Variants in MDGA2 observed in about 807,000 individuals in gnomAD.
MDGA2 encodes MAM domain containing glycosylphosphatidylinositol anchor 2.
MDGA2 carries 40 observed loss-of-function variants against 117.8 expected under a neutral mutation model. That is an observed-to-expected ratio of 0.34 (90% CI 0.26 to 0.44). The LOEUF is 0.44. Ranked by LOEUF, MDGA2 falls within the 20% of genes least tolerant of loss-of-function variation. The probability of loss-of-function intolerance (pLI) is 1.00; values close to 1 mark genes in which losing one functional copy is unlikely to be tolerated. For missense variants in MDGA2, 1,123 were observed against 1,250.6 expected, an observed-to-expected ratio of 0.90 and a Z score of 1.54; for synonymous variants, 452 against 439.0, an observed-to-expected ratio of 1.03 and a Z score of -0.37.
intron 7 of MDGA2, among the ~76,000 whole-genome samples, chr14:47,039,003 A>G (rs1001293936): frequency 1.3e-5 from 2 of 151,988 alleles, no homozygotes; most frequent in Admixed American, 1.3e-4. Context: ...ACCTTTCCCT[A>G]CAACTCTCCT....
chr14:47,547,891 C>A (rs1895494650), intron 1 of MDGA2, among the ~76,000 whole-genome samples: 1 of 152,174 alleles, frequency 6.6e-6, no homozygotes, highest in Admixed American at 6.6e-5. Flanking sequence ...AATCTAAAAT[C>A]TTAACCATCT....
At chr14:47,652,858 A>G (rs182901232) in intron 1 of MDGA2, among the ~76,000 whole-genome samples, 7 of 152,248 alleles carry the variant, frequency 4.6e-5, no homozygotes, top group East Asian at 1.9e-4. Flanking sequence ...GTAAAAATGA[A>G]TAAGAACTAT....
rs753129104 is a variant in MDGA2 at position 46,875,656 on chromosome 14, AT to A, written c.2438-1457del. Among the ~76,000 whole-genome samples the A allele has an allele frequency of 2.0e-4, 30 of 151,852 alleles. No homozygotes were observed. In the Middle Eastern group the frequency reaches 0.01, roughly 52 times the overall value. ...GCAGTGTAGCAGTGTATGCATTTACATACATGCACGTATTTCTTTAAAGATA... is the reference window on the plus strand; with the variant it reads ...GCAGTGTAGCAGTGTATGCATTTACAACATGCACGTATTTCTTTAAAGATA... On this transcript the variant is annotated intron_variant, in intron 12 of 16. Coordinates refer to ENST00000399232, the MANE Select transcript of MDGA2 (RefSeq NM_001113498.3).
chr14:47,375,529 T>A (rs369125149), intron 1 of MDGA2, among the ~76,000 whole-genome samples: 1 of 152,096 alleles, frequency 6.6e-6, no homozygotes, highest in Admixed American at 6.6e-5. Context: ...CATTTTCTAA[T>A]GTCAGACCTT....
chr14:46,976,820 T>C lies in MDGA2; in HGVS notation c.1820-19177A>G, dbSNP rs1177361195. 2.6e-5 allele frequency among the ~76,000 whole-genome samples: 4 copies of C among 151,896 alleles called. No individual in the cohort carries two copies. The East Asian group carries it at 7.7e-4, about 29-fold the overall frequency. On this transcript the variant is annotated intron_variant, in intron 8 of 16. Coordinates refer to ENST00000399232, the MANE Select transcript of MDGA2 (RefSeq NM_001113498.3). ...GTCTTCAGGAATATAATCTCACAGA[T>C]AGAAAGGAACTGTGCTTTTCTTACT...
At chr14:47,399,736 C>G (rs117531125) in intron 1 of MDGA2, among the ~76,000 whole-genome samples, 1 of 148,494 alleles carries the variant, frequency 6.7e-6, no homozygotes, top group Admixed American at 6.9e-5. Context: ...ACAAAAAAAT[C>G]ACGAAACAAA....
chr14:47,428,341 C>G (rs978009976), intron 1 of MDGA2, among the ~76,000 whole-genome samples: 2 of 152,040 alleles, frequency 1.3e-5, no homozygotes, highest in East Asian at 3.9e-4. Context: ...GGCTTGCTTT[C>G]AAGATTTTAA....
intron 1 of MDGA2, among the ~76,000 whole-genome samples, chr14:47,673,899 G>C (rs1003281368): frequency 6.6e-6 from 1 of 151,858 alleles, no homozygotes; most frequent in Non-Finnish European, 1.5e-5. Flanking sequence ...TCATGCACTT[G>C]CTCATCCATT....
chr14:47,114,103 T>C (rs187344850), intron 5 of MDGA2, among the ~76,000 whole-genome samples: 136 of 152,218 alleles, frequency 8.9e-4, no homozygotes, highest in African/African-American at 3.2e-3. Context: ...AGCATTCCTA[T>C]ACAGAAACAG....
intron 1 of MDGA2, among the ~76,000 whole-genome samples, chr14:47,311,972 T>C (rs1889649996): frequency 6.6e-6 from 1 of 152,114 alleles, no homozygotes; most frequent in African/African-American, 2.4e-5. Flanking sequence ...ATAAATAATT[T>C]ATACTCTGAT....
intron 1 of MDGA2, among the ~76,000 whole-genome samples, chr14:47,327,763 G>C (rs1890184871): frequency 6.6e-6 from 1 of 152,056 alleles, no homozygotes; most frequent in African/African-American, 2.4e-5. Context: ...TGGGCTCTTT[G>C]TTGTGTGTTT....
intron 2 of MDGA2, among the ~76,000 whole-genome samples, chr14:47,258,902 T>A (rs1887707471): frequency 6.6e-6 from 1 of 152,032 alleles, no homozygotes; most frequent in African/African-American, 2.4e-5. Flanking sequence ...TCTTCCAAGC[T>A]ACAAAAAGAA....
intron 5 of MDGA2, among the ~76,000 whole-genome samples, chr14:47,113,967 GTATC>G (rs1297675722): frequency 5.3e-5 from 8 of 152,050 alleles, no homozygotes; most frequent in African/African-American, 1.9e-4. Flanking sequence ...AAGTCAAACT[GTATC>G]TATTTGCAGA....
intron 5 of MDGA2, 107 bp from the exon 6 acceptor site, chr14:47,097,230 T>C (rs919029891): frequency 1.6e-6 from 2 of 1,240,296 alleles, no homozygotes; most frequent in Non-Finnish European, 2.3e-6. Context: ...TGAAATATAG[T>C]CCTCTTTTGC....
chr14:47,354,020 G>T (rs1291080517), intron 1 of MDGA2, among the ~76,000 whole-genome samples: 1 of 152,044 alleles, frequency 6.6e-6, no homozygotes, highest in Non-Finnish European at 1.5e-5. Context: ...CAATAACTGT[G>T]ATTCACTACA....
intron 5 of MDGA2, among the ~76,000 whole-genome samples, chr14:47,112,685 A>G (rs1881108585): frequency 6.6e-6 from 1 of 152,162 alleles, no homozygotes; most frequent in African/African-American, 2.4e-5. Flanking sequence ...TATTGGAAAC[A>G]GTGCTGCAAT....
chr14:47,197,417 G>A (rs933998845), intron 3 of MDGA2, among the ~76,000 whole-genome samples: 5 of 151,932 alleles, frequency 3.3e-5, no homozygotes, highest in Non-Finnish European at 7.4e-5. Context: ...AAAGTGCTCC[G>A]TGGCTCACTA....
intron 9 of MDGA2, among the ~76,000 whole-genome samples, chr14:46,953,888 C>G (rs529924564): frequency 6.6e-6 from 1 of 151,934 alleles, no homozygotes; most frequent in Non-Finnish European, 1.5e-5. Context: ...TGTATCTTCA[C>G]GTTCAAAAAA....
chr14:47,289,759 C>G (rs1888816435), intron 2 of MDGA2, among the ~76,000 whole-genome samples: 1 of 152,096 alleles, frequency 6.6e-6, no homozygotes, highest in Non-Finnish European at 1.5e-5. Flanking sequence ...CATATCAACT[C>G]TTGTAGTAAA....
Sources: allele counts gnomAD v4.1 joint callset (sites outside exome capture counted in the v4.1 genomes callset), GRCh38; gene constraint gnomAD v4.1.1; transcripts MANE v1.5; gene names NCBI Gene and HGNC (gene_info 2026-07-23, HGNC 2026-07-21).